Variants in APC observed in about 807,000 individuals in gnomAD.
The protein encoded by APC is APC regulator of Wnt signaling pathway.
Under a neutral mutation model 247.0 loss-of-function variants are expected in APC, and 72 were observed. The observed-to-expected ratio is 0.29, with a 90% CI of 0.24 to 0.35. The LOEUF is 0.35. Among genes scored for constraint, APC ranks in the 10% least tolerant of loss-of-function variants. The pLI is 1.00. For synonymous variants in APC, 1,254 were observed against 1,162.5 expected (o/e 1.08, Z -1.60); for missense variants, 3,400 against 3,360.7 (o/e 1.01, Z -0.29).
chr5:112,822,563 A>G (rs1442622542), intron 11 of APC, among the ~76,000 whole-genome samples: 1 of 152,174 alleles, frequency 6.6e-6, no homozygotes, highest in African/African-American at 2.4e-5. Context: ...TTAGGTATGT[A>G]TTTTCACACA....
rs532538512 is a variant in APC, at chr5:112,814,253, A to G, written c.835-1242A>G. Among the ~76,000 whole-genome samples, 4 of 152,250 alleles carry G rather than the reference A, an allele frequency of 2.6e-5. No individual in the cohort carries two copies. The South Asian group carries it at 8.3e-4, about 32-fold the overall frequency. Reference sequence around the variant, plus strand: ...GGATTTAGCTGTGGCCTATATTTTGATAGGTCCCAGTTATTTATCTGCAAC... The same window carrying G: ...GGATTTAGCTGTGGCCTATATTTTGGTAGGTCCCAGTTATTTATCTGCAAC... On this transcript the variant is annotated intron_variant, in intron 8 of 15. Coordinates refer to ENST00000257430, the MANE Select transcript of APC (RefSeq NM_000038.6).
At chr5:112,726,408 C>T (rs972989969) in intron 1 of APC, among the ~76,000 whole-genome samples, 2 of 152,162 alleles carry the variant, frequency 1.3e-5, no homozygotes, top group African/African-American at 2.4e-5. Context: ...TAGGCAATTT[C>T]CTCTCTGACC....
chr5:112,839,564 C>T lies in APC; in HGVS notation c.3970C>T (p.Pro1324Ser), dbSNP rs587779792. Residue 1324 changes from proline (P) to serine (S), a missense_variant, in exon 16 of 16, where the codon CCA becomes TCA. By Grantham distance (74) the Pro-to-Ser change is moderately conservative (BLOSUM62 -1). Coordinates refer to ENST00000257430, the MANE Select transcript of APC (RefSeq NM_000038.6). The surrounding 1 kb of genome is among the most constrained non-coding windows in gnomAD (Gnocchi z 5.0). ...RSAEDPVSEV[P>S]AVSQHPRTKS... is the part of the protein sequence containing the mutation. The stretch of plus-strand genomic sequence containing the variant: ...AGCTGAAGATCCTGTGAGCGAAGTT[C>T]CAGCAGTGTCACAGCACCCTAGAAC... 1.2e-6 allele frequency: 2 copies of T among 1,614,052 alleles called. No homozygotes were observed. Among genetic ancestry groups the T allele is most frequent in the African/African-American group, 1.3e-5 (1 of 74,918 alleles).
At chr5:112,780,104 G>T (rs1440945785) in intron 5 of APC, among the ~76,000 whole-genome samples, 1 of 152,130 alleles carries the variant, frequency 6.6e-6, no homozygotes, top group Admixed American at 6.5e-5. Flanking sequence ...ATGCTTGGCA[G>T]TTATCACAGT....
chr5:112,745,123 A>G (rs1290286054), intron 1 of APC, among the ~76,000 whole-genome samples: 1 of 106,390 alleles, frequency 9.4e-6, no homozygotes, highest in Non-Finnish European at 2.1e-5. Flanking sequence ...GATTTAAATA[A>G]TATGCTGGTC....
intron 8 of APC, among the ~76,000 whole-genome samples, chr5:112,802,840 C>T (rs1175430145): frequency 1.3e-5 from 2 of 151,604 alleles, no homozygotes; most frequent in African/African-American, 2.4e-5. Context: ...ACATTTATGA[C>T]GTGTAAAAAG....
intron 15 of APC, among the ~76,000 whole-genome samples, chr5:112,837,234 A>C (rs1241235966): frequency 2.0e-5 from 3 of 152,222 alleles, no homozygotes; most frequent in Non-Finnish European, 4.4e-5. Flanking sequence ...TTCATGATAT[A>C]GTTTTTAAAT....
chr5:112,713,675 GTTT>G (rs1750991258), intron 1 of APC, among the ~76,000 whole-genome samples: 4 of 152,150 alleles, frequency 2.6e-5, no homozygotes, highest in Admixed American at 2.6e-4. Flanking sequence ...GGATTTCAGT[GTTT>G]ATTTTCTGAG....
At chr5:112,771,300 A>G (rs1037319099) in intron 4 of APC, among the ~76,000 whole-genome samples, 5 of 152,208 alleles carry the variant, frequency 3.3e-5, no homozygotes, top group African/African-American at 9.6e-5. Flanking sequence ...ATGAGGATCT[A>G]GTTTCATTTT....
intron 2 of APC, among the ~76,000 whole-genome samples, chr5:112,760,942 T>C (rs1194865314): frequency 6.6e-6 from 1 of 152,122 alleles, no homozygotes; most frequent in African/African-American, 2.4e-5. Context: ...CCCAAGTAGC[T>C]GGGACTACAG....
At chr5:112,727,348 G>A (rs1268428044) in intron 1 of APC, among the ~76,000 whole-genome samples, 4 of 152,058 alleles carry the variant, frequency 2.6e-5, no homozygotes, top group African/African-American at 9.7e-5. Context: ...ATAGCATTAG[G>A]CAATGCCATC....
At chr5:112,792,418 A>G in intron 6 of APC, 28 bp from the exon 7 acceptor site, 1 of 1,487,538 alleles carries the variant, frequency 6.7e-7, no homozygotes, top group South Asian at 1.2e-5. Context: ...TAAAAACATA[A>G]CTAATTAGGT....
chr5:112,766,718 A>G (rs1051142488), intron 3 of APC, among the ~76,000 whole-genome samples: 10 of 152,208 alleles, frequency 6.6e-5, no homozygotes, highest in Non-Finnish European at 7.4e-5. Flanking sequence ...TTAGTATTCT[A>G]TATGCCATAG....
At position 112,843,702 on chromosome 5, in the gene APC, A is replaced by T. The variant is rs1580690166; in HGVS notation, c.8108A>T (p.Lys2703Ile). Residue 2703 changes from lysine (K) to isoleucine (I), a missense_variant, in exon 16 of 16, where the codon AAA (lysine) becomes ATA (isoleucine). Physicochemically the swap from Lys to Ile is moderately radical, Grantham distance 102. This residue lies in a region of APC where 1,788 missense variants were observed against 1,649.5 expected (regional missense o/e 1.08). Transcript: ENST00000257430. The surrounding 1 kb of genome is among the most constrained non-coding windows in gnomAD (Gnocchi z 4.8). ...NIKDSKDNQA[K>I]QNVGNGSVPM... is the part of the protein sequence containing the mutation. Reference sequence around the variant, plus strand: ...AAAGATTCAAAAGATAATCAGGCAAAACAAAATGTGGGTAATGGCAGTGTT... The same window carrying T: ...AAAGATTCAAAAGATAATCAGGCAATACAAAATGTGGGTAATGGCAGTGTT... 1.9e-6 allele frequency: 3 copies of T among 1,613,958 alleles called. No individual in the cohort carries two copies. Among genetic ancestry groups the T allele is most frequent in the Middle Eastern group, 1.6e-4 (1 of 6,084 alleles).
At position 112,842,136 on chromosome 5, in the gene APC, T is replaced by C. The variant is rs1766240794; in HGVS notation, c.6542T>C (p.Ile2181Thr). The C allele has an allele frequency of 6.2e-7, 1 of 1,611,496 alleles. No homozygotes were observed. Among genetic ancestry groups the C allele is most frequent in the Non-Finnish European group, 8.5e-7 (1 of 1,178,570 alleles). The part of the protein sequence containing the change: ...GEKSTLETKK[I>T]ESESKGIKGG... Reference sequence around the variant, plus strand: ...AAAAGTACATTGGAAACTAAAAAGATAGAATCTGAAAGTAAAGGAATCAAA... The same window carrying C: ...AAAAGTACATTGGAAACTAAAAAGACAGAATCTGAAAGTAAAGGAATCAAA... Residue 2181 changes from isoleucine (I) to threonine (T), a missense_variant, in exon 16 of 16, where the codon ATA (isoleucine) becomes ACA (threonine). By Grantham distance (89) the Ile-to-Thr change is moderately conservative. Around this residue, in one of 9 missense-constraint regions of APC, gnomAD observed 1,788 missense variants for 1,649.5 expected, o/e 1.08. Transcript: ENST00000257430.
intron 2 of APC, among the ~76,000 whole-genome samples, chr5:112,755,518 A>G (rs956486283): frequency 3.9e-5 from 6 of 152,162 alleles, no homozygotes; most frequent in Non-Finnish European, 7.3e-5. Context: ...TTTCCCACAA[A>G]CTGAGCTATA....
chr5:112,826,700 GC>G (rs1763700848), intron 11 of APC, among the ~76,000 whole-genome samples: 2 of 151,322 alleles, frequency 1.3e-5, no homozygotes, highest in Non-Finnish European at 2.9e-5. Flanking sequence ...AAGTAGTTAG[GC>G]CACAGTGTAT....
intron 2 of APC, among the ~76,000 whole-genome samples, chr5:112,764,891 A>G (rs142071685): frequency 1.8e-4 from 27 of 152,320 alleles, no homozygotes; most frequent in South Asian, 1.5e-3. Flanking sequence ...TTTGATGGGC[A>G]TATTCAAATT....
chr5:112,768,837 T>C (rs1443125750), intron 4 of APC, among the ~76,000 whole-genome samples: 1 of 151,266 alleles, frequency 6.6e-6, no homozygotes, highest in African/African-American at 2.5e-5. Context: ...AACACAGTCC[T>C]GTACAGTAGC....
Sources: gnomAD v4.1 joint callset for allele counts (sites outside exome capture counted in the v4.1 genomes callset) on GRCh38, gnomAD v4.1.1 for gene constraint, gnomAD v4.1.1 regional missense constraint, Gnocchi (gnomAD v3.1) non-coding constraint, MANE v1.5 for transcripts, NCBI Gene and HGNC (gene_info 2026-07-23, HGNC 2026-07-21) for gene names.